CNTN4: variants seen among roughly 807,000 people sequenced by gnomAD.
CNTN4 encodes the protein contactin 4.
In CNTN4, 77 loss-of-function variants were observed where a neutral mutation model predicts 122.5. The observed-to-expected ratio is 0.63, with a 90% CI of 0.52 to 0.76. The LOEUF is 0.76. CNTN4 is among the 30% of genes least tolerant of loss of function. The probability of loss-of-function intolerance (pLI) is 0.00; values close to 1 mark genes in which losing one functional copy is unlikely to be tolerated. For missense variants in CNTN4, 1,256 were observed against 1,259.1 expected, an observed-to-expected ratio of 1.00 and a Z score of 0.04; for synonymous variants, 512 against 447.0, an observed-to-expected ratio of 1.15 and a Z score of -1.83.
chr3:2,542,874 G>T (rs1044074752), intron 3 of CNTN4, among the ~76,000 whole-genome samples: 20 of 152,212 alleles, frequency 1.3e-4, no homozygotes, highest in Admixed American at 9.2e-4. Flanking sequence ...GGAACTAGAA[G>T]ATCAGAAAAC....
At chr3:2,544,692 A>G (rs1471137873) in intron 3 of CNTN4, among the ~76,000 whole-genome samples, 1 of 148,854 alleles carries the variant, frequency 6.7e-6, no homozygotes, top group East Asian at 2.0e-4. Context: ...GGTTTTTTGT[A>G]TTTCTGTGGG....
intron 6 of CNTN4, among the ~76,000 whole-genome samples, chr3:2,807,986 A>G (rs929635563): frequency 2.6e-5 from 4 of 152,232 alleles, no homozygotes; most frequent in Admixed American, 2.6e-4. Context: ...AGGAAGTGAG[A>G]AACTGCGCCT....
intron 3 of CNTN4, among the ~76,000 whole-genome samples, chr3:2,537,285 C>T (rs967904631): frequency 6.6e-6 from 1 of 152,048 alleles, no homozygotes; most frequent in African/African-American, 2.4e-5. Flanking sequence ...TCCATTAAGA[C>T]AGAAGGTATA....
chr3:2,872,020 T>A (rs571587647), intron 8 of CNTN4, among the ~76,000 whole-genome samples: 66 of 152,294 alleles, frequency 4.3e-4, no homozygotes, highest in African/African-American at 1.4e-3. Flanking sequence ...GAAGAATACA[T>A]CATGGTTATT....
intron 2 of CNTN4, among the ~76,000 whole-genome samples, chr3:2,130,675 T>C (rs1032871783): frequency 1.2e-4 from 19 of 152,222 alleles, no homozygotes; most frequent in Admixed American, 3.9e-4. Context: ...TTTTAATACA[T>C]AGTCCCAAGT....
intron 2 of CNTN4, among the ~76,000 whole-genome samples, chr3:2,174,768 G>T (rs1256136734): frequency 6.6e-6 from 1 of 152,212 alleles, no homozygotes. Flanking sequence ...ATTGGCATCT[G>T]CTCAGCTTCT....
intron 4 of CNTN4, among the ~76,000 whole-genome samples, chr3:2,659,802 G>T (rs1199734169): frequency 6.6e-6 from 1 of 152,114 alleles, no homozygotes; most frequent in Non-Finnish European, 1.5e-5. Flanking sequence ...TTTTGATGTG[G>T]TGATGTTTGA....
intron 2 of CNTN4, among the ~76,000 whole-genome samples, chr3:2,214,976 A>G (rs372406098): frequency 6.6e-6 from 1 of 152,242 alleles, no homozygotes; most frequent in African/African-American, 2.4e-5. Context: ...AGTTGATACC[A>G]ATTCATATCC....
At chr3:2,581,676 C>T (rs945721787) in intron 4 of CNTN4, among the ~76,000 whole-genome samples, 1 of 151,944 alleles carries the variant, frequency 6.6e-6, no homozygotes, top group East Asian at 1.9e-4. Context: ...ATTGCATTGA[C>T]CAAAACAGAA....
intron 2 of CNTN4, chr3:2,238,821 G>A (rs2039793145): frequency 9.5e-6 from 1 of 105,016 alleles, no homozygotes; most frequent in African/African-American, 3.2e-5. Flanking sequence ...TCCGCCTCCC[G>A]GGTTCCCGCC....
intron 2 of CNTN4, among the ~76,000 whole-genome samples, chr3:2,284,041 CAGT>C (rs2041819553): frequency 6.6e-6 from 1 of 151,546 alleles, no homozygotes; most frequent in South Asian, 2.1e-4. Flanking sequence ...CCAGCTGAAA[CAGT>C]AAGGGCATGT....
At chr3:2,480,683 A>G (rs2075965394) in intron 3 of CNTN4, among the ~76,000 whole-genome samples, 1 of 152,236 alleles carries the variant, frequency 6.6e-6, no homozygotes, top group Admixed American at 6.5e-5. Context: ...AGTTTTTCCC[A>G]ACTTGATCTA....
At chr3:2,501,605 C>T (rs911562144) in intron 3 of CNTN4, among the ~76,000 whole-genome samples, 1 of 152,148 alleles carries the variant, frequency 6.6e-6, no homozygotes, top group Non-Finnish European at 1.5e-5. Flanking sequence ...TGTCACTCCC[C>T]ACCCTCACTT....
At chr3:2,923,719 C>T (rs2094448949) in intron 12 of CNTN4, among the ~76,000 whole-genome samples, 1 of 152,226 alleles carries the variant, frequency 6.6e-6, no homozygotes, top group South Asian at 2.1e-4. Flanking sequence ...CATGTGCACA[C>T]ACACATACAC....
intron 4 of CNTN4, among the ~76,000 whole-genome samples, chr3:2,660,393 G>T (rs1191514119): frequency 6.6e-6 from 1 of 152,090 alleles, no homozygotes; most frequent in African/African-American, 2.4e-5. Flanking sequence ...AGCAAACTAC[G>T]CAAAATAAAC....
chr3:2,303,206 C>A (rs2042585771), intron 2 of CNTN4, among the ~76,000 whole-genome samples: 1 of 152,070 alleles, frequency 6.6e-6, no homozygotes, highest in African/African-American at 2.4e-5. Context: ...AATAATACAG[C>A]TTTATTGAGA....
intron 3 of CNTN4, among the ~76,000 whole-genome samples, chr3:2,370,466 A>G (rs935972949): frequency 1.2e-4 from 18 of 152,180 alleles, no homozygotes; most frequent in African/African-American, 4.3e-4. Flanking sequence ...AAAGAATGAA[A>G]TGAGCATGGA....
At chr3:2,734,589 TTC>T (rs2088945169) in intron 4 of CNTN4, among the ~76,000 whole-genome samples, 1 of 152,064 alleles carries the variant, frequency 6.6e-6, no homozygotes, top group Non-Finnish European at 1.5e-5. Context: ...TAAGATAGAA[TTC>T]TGTTTGGTCA....
At chr3:2,978,213 C>A (rs79103752) in intron 13 of CNTN4, among the ~76,000 whole-genome samples, 11,792 of 152,278 alleles carry the variant, frequency 0.077, 599 homozygotes, top group Non-Finnish European at 0.11. Flanking sequence ...CCATCGTCCC[C>A]TCCCACTGCA....
Sources: gnomAD v4.1 joint callset for allele counts (sites outside exome capture counted in the v4.1 genomes callset) on GRCh38, gnomAD v4.1.1 for gene constraint, MANE v1.5 for transcripts, NCBI Gene and HGNC (gene_info 2026-07-23, HGNC 2026-07-21) for gene names.